Variants in NBAS observed in about 807,000 individuals in gnomAD.
NBAS encodes the protein NAG/BC035112 fusion.
NBAS carries 219 observed loss-of-function variants against 302.5 expected under a neutral mutation model. That is an observed-to-expected ratio of 0.72 (90% confidence interval 0.65 to 0.81). The LOEUF is 0.81. NBAS is among the 30% of genes least tolerant of loss of function. The pLI, the probability that NBAS is intolerant of heterozygous loss-of-function variation, is 0.00. For synonymous variants in NBAS, 1,118 were observed against 1,021.6 expected (o/e 1.09, Z -1.80); for missense variants, 2,932 against 2,841.6 (o/e 1.03, Z -0.72).
chr2:14,867,587 T>C, the NBAS span, among the ~76,000 whole-genome samples: 5 of 152,310 alleles, frequency 3.3e-5, no homozygotes, highest in East Asian at 7.7e-4. Context: ...ATGCCAAAAG[T>C]GCTTTGTAAA....
Position 15,467,214 on chromosome 2 carries a change from A to G in NBAS, c.2097+115T>C. The G allele has an allele frequency of 1.5e-5, 12 of 802,938 alleles. No homozygotes were observed. In the South Asian group the frequency reaches 1.9e-4, roughly 13 times the overall value. 49.7% of individuals were successfully genotyped at this position (802,938 alleles called of 1,614,324 possible). On this transcript the variant is annotated intron_variant, in intron 19 of 51. Coordinates refer to ENST00000281513, the MANE Select transcript of NBAS (RefSeq NM_015909.4). ...GAGAACTTGCTTCTATAAGAAATTA[A>G]TTTTTCCCAGAAAAATAGTTCTAAA...
At chr2:15,476,655 C>T (rs1680206355) in intron 13 of NBAS, among the ~76,000 whole-genome samples, 2 of 151,902 alleles carry the variant, frequency 1.3e-5, no homozygotes, top group Admixed American at 6.6e-5. Flanking sequence ...ATGGAGGTCG[C>T]GGTGAGCCTA....
At chr2:14,935,757 T>C in the NBAS span, among the ~76,000 whole-genome samples, 9 of 152,236 alleles carry the variant, frequency 5.9e-5, no homozygotes, top group Non-Finnish European at 1.3e-4. Flanking sequence ...GTGTGCCCTC[T>C]GGTCTGTCTG....
chr2:15,393,514 T>A, intron 28 of NBAS: 1 of 375,584 alleles, frequency 2.7e-6, no homozygotes, highest in Middle Eastern at 8.8e-4. Context: ...AGTAAAACAG[T>A]ACAAATCCTT....
chr2:15,510,084 G>A (rs769230589), intron 10 of NBAS, among the ~76,000 whole-genome samples: 1 of 152,140 alleles, frequency 6.6e-6, no homozygotes, highest in Non-Finnish European at 1.5e-5. Context: ...TCCTGACCTC[G>A]TGATCCACCC....
chr2:15,508,353 C>CAAAG (rs910478117), intron 10 of NBAS, among the ~76,000 whole-genome samples: 2 of 152,150 alleles, frequency 1.3e-5, no homozygotes, highest in Non-Finnish European at 2.9e-5. Flanking sequence ...CAGGAGAATT[C>CAAAG]AAAGAAACTA....
At chr2:15,092,059 G>A in the NBAS span, among the ~76,000 whole-genome samples, 1 of 152,086 alleles carries the variant, frequency 6.6e-6, no homozygotes, top group Non-Finnish European at 1.5e-5. Context: ...GTTGTTCAAG[G>A]GTCAACTGTA....
At chr2:15,378,122 T>C (rs773339081) in intron 30 of NBAS, among the ~76,000 whole-genome samples, 2 of 152,142 alleles carry the variant, frequency 1.3e-5, no homozygotes, top group Non-Finnish European at 2.9e-5. Flanking sequence ...GTTTATTTGA[T>C]CAAGAAACAA....
the NBAS span, among the ~76,000 whole-genome samples, chr2:14,804,779 G>A: frequency 6.6e-6 from 1 of 152,242 alleles, no homozygotes. Context: ...ATAGGTGTAT[G>A]TAATAAGATA....
At chr2:15,251,268 G>A (rs7575236) in intron 44 of NBAS, among the ~76,000 whole-genome samples, 2,021 of 152,260 alleles carry the variant, frequency 0.013, 23 homozygotes, top group Non-Finnish European at 0.022. Flanking sequence ...GAGAACACAT[G>A]GACACAGGGA....
chr2:15,273,303 G>C (rs181357376), intron 44 of NBAS, among the ~76,000 whole-genome samples: 79 of 152,268 alleles, frequency 5.2e-4, no homozygotes, highest in African/African-American at 1.9e-3. Context: ...ATACAACCAG[G>C]TTCCTGCCTG....
At chr2:14,847,106 G>A in the NBAS span, among the ~76,000 whole-genome samples, 199 of 152,098 alleles carry the variant, frequency 1.3e-3, 1 homozygote, top group South Asian at 0.018. Context: ...ATAGACGGCC[G>A]GGCATGGTGG....
the NBAS span, among the ~76,000 whole-genome samples, chr2:14,917,804 A>G: frequency 6.6e-6 from 1 of 152,210 alleles, no homozygotes; most frequent in African/African-American, 2.4e-5. Context: ...CCCTGAGTCC[A>G]AAATGTACAT....
intron 11 of NBAS, among the ~76,000 whole-genome samples, chr2:15,491,853 A>C (rs1392536517): frequency 2.0e-5 from 3 of 152,226 alleles, no homozygotes; most frequent in African/African-American, 7.2e-5. Context: ...CTATCAGTAT[A>C]TCTTGCTAAT....
chr2:14,974,312 C>T, the NBAS span, among the ~76,000 whole-genome samples: 1 of 152,134 alleles, frequency 6.6e-6, no homozygotes, highest in Non-Finnish European at 1.5e-5. Context: ...AGCTTTACCG[C>T]TATAAATATT....
intron 38 of NBAS, 140 bp from the exon 39 acceptor site, chr2:15,309,387 T>C (rs1671178341): frequency 3.1e-6 from 2 of 652,590 alleles, no homozygotes; most frequent in Non-Finnish European, 5.4e-6. Context: ...TTCAGCACCA[T>C]CTAAAAACAG....
At chr2:14,997,164 G>A in the NBAS span, among the ~76,000 whole-genome samples, 19 of 152,194 alleles carry the variant, frequency 1.2e-4, no homozygotes, top group Non-Finnish European at 2.8e-4. Flanking sequence ...GATGGAGGGA[G>A]AGGAGCAGGA....
At chr2:15,452,705 C>T (rs183605962) in intron 21 of NBAS, among the ~76,000 whole-genome samples, 4 of 152,130 alleles carry the variant, frequency 2.6e-5, no homozygotes, top group East Asian at 3.9e-4. Context: ...AAAATGTATT[C>T]GCTCTGAATA....
chr2:15,196,065 G>T (rs1207841985), intron 48 of NBAS, among the ~76,000 whole-genome samples: 1 of 152,186 alleles, frequency 6.6e-6, no homozygotes, highest in South Asian at 2.1e-4. Flanking sequence ...TCTTCCAAAT[G>T]TACTTTCGTT....
Sources: allele counts gnomAD v4.1 joint callset (sites outside exome capture counted in the v4.1 genomes callset), GRCh38; gene constraint gnomAD v4.1.1; transcripts MANE v1.5; gene names NCBI Gene and HGNC (gene_info 2026-07-23, HGNC 2026-07-21).